ATP8B4: variants seen among roughly 807,000 people sequenced by gnomAD.
The protein encoded by ATP8B4 is ATPase phospholipid transporting 8B4 (putative), also known as probable phospholipid-transporting ATPase IM.
Under a neutral mutation model 145.6 loss-of-function variants are expected in ATP8B4, and 133 were observed. The observed-to-expected ratio is 0.91, with a 90% CI of 0.79 to 1.05. The LOEUF is 1.05. ATP8B4 is among the 50% of genes least tolerant of loss of function. ATP8B4 has a pLI of 0.00. For synonymous variants in ATP8B4, 507 were observed against 492.9 expected (o/e 1.03, Z -0.38); for missense variants, 1,458 against 1,425.2 (o/e 1.02, Z -0.37).
chr15:50,038,677 G>A, intron 6 of ATP8B4, 91 bp downstream of exon 6: 2 of 915,684 alleles, frequency 2.2e-6, no homozygotes, highest in Non-Finnish European at 3.4e-6. Flanking sequence ...AAAGAATCAT[G>A]TATCTAATTA....
intron 20 of ATP8B4, 74 bp downstream of exon 20, chr15:49,916,860 T>G: frequency 5.1e-6 from 7 of 1,372,354 alleles, no homozygotes; most frequent in South Asian, 2.4e-5. Context: ...GCTTTTCACT[T>G]TCTCAACTCT....
intron 1 of ATP8B4, among the ~76,000 whole-genome samples, chr15:50,169,785 C>T (rs116153745): frequency 0.013 from 2,027 of 152,088 alleles, 47 homozygotes; most frequent in African/African-American, 0.046. Context: ...AAAAATGATA[C>T]AAGAAGTGAA....
chr15:50,151,201 G>C (rs1387230701), intron 1 of ATP8B4, among the ~76,000 whole-genome samples: 1 of 152,172 alleles, frequency 6.6e-6, no homozygotes, highest in African/African-American at 2.4e-5. Context: ...CTAGTCTGTA[G>C]GTAGATCACA....
At chr15:49,967,424 T>G (rs1186397636) in intron 13 of ATP8B4, among the ~76,000 whole-genome samples, 1 of 152,126 alleles carries the variant, frequency 6.6e-6, no homozygotes, top group African/African-American at 2.4e-5. Flanking sequence ...GAGAAGAACA[T>G]AAGTGACCTG....
intron 8 of ATP8B4, among the ~76,000 whole-genome samples, chr15:50,001,766 A>C (rs2047911631): frequency 6.6e-6 from 1 of 152,176 alleles, no homozygotes; most frequent in South Asian, 2.1e-4. Context: ...CATTTGACAC[A>C]GTTCCAAAAG....
intron 2 of ATP8B4, 101 bp from the exon 3 acceptor site, chr15:50,074,286 C>A (rs2054037276): frequency 2.0e-6 from 2 of 997,590 alleles, no homozygotes; most frequent in Non-Finnish European, 3.0e-6. Flanking sequence ...GTTAAGGCTG[C>A]AAGAATTCTT....
chr15:49,877,541 T>G (rs1217265010), intron 24 of ATP8B4, among the ~76,000 whole-genome samples: 2 of 152,160 alleles, frequency 1.3e-5, no homozygotes, highest in African/African-American at 2.4e-5. Context: ...TAGAAAGTCC[T>G]GTTTTTAGAT....
intron 24 of ATP8B4, among the ~76,000 whole-genome samples, chr15:49,877,523 A>G (rs2034646467): frequency 6.6e-6 from 1 of 152,158 alleles, no homozygotes; most frequent in Non-Finnish European, 1.5e-5. Context: ...ACACAGGCAT[A>G]TTCTCTTTAG....
At chr15:50,102,620 A>T (rs1252792557) in intron 2 of ATP8B4, among the ~76,000 whole-genome samples, 2 of 152,148 alleles carry the variant, frequency 1.3e-5, no homozygotes, top group African/African-American at 2.4e-5. Flanking sequence ...CCAACAACAA[A>T]AAAGTCCAGG....
In ATP8B4 at chr15:50,047,388, A is replaced by G. The variant is rs779392717; in HGVS notation, c.164T>C (p.Val55Ala). ...AAGGCAAAGAAAATAGGCATTTGCCACTCTTTGGAACTGTTCAAATAAATT... is the reference window on the plus strand; with the variant it reads ...AAGGCAAAGAAAATAGGCATTTGCCGCTCTTTGGAACTGTTCAAATAAATT... The part of the protein sequence containing the change: ...PINLFEQFQR[V>A]ANAYFLCLLI... Residue 55 changes from valine (V) to alanine (A), a missense_variant, in exon 4 of 28, where the codon GTG (valine) becomes GCG (alanine). Coordinates refer to ENST00000284509, the MANE Select transcript of ATP8B4 (RefSeq NM_024837.4). 6.3e-7 allele frequency: 1 copy of G among 1,595,442 alleles called. No individual in the cohort carries two copies. Among genetic ancestry groups the G allele is most frequent in the South Asian group, 1.1e-5 (1 of 90,632 alleles).
chr15:49,999,340 C>A (rs1038041993), intron 8 of ATP8B4, among the ~76,000 whole-genome samples: 1 of 135,844 alleles, frequency 7.4e-6, no homozygotes, highest in African/African-American at 2.8e-5. Context: ...ACAATGAGAA[C>A]ACATGGACAC....
intron 15 of ATP8B4, among the ~76,000 whole-genome samples, chr15:49,932,508 G>A (rs1418216776): frequency 1.3e-5 from 2 of 151,990 alleles, no homozygotes; most frequent in Non-Finnish European, 2.9e-5. Context: ...TGGTAACATG[G>A]TGGAATGGGT....
chr15:50,176,224 C>T (rs1275871284), intron 1 of ATP8B4, among the ~76,000 whole-genome samples: 5 of 152,000 alleles, frequency 3.3e-5, no homozygotes, highest in Non-Finnish European at 7.4e-5. Flanking sequence ...TTGCAGTGAC[C>T]TGAATGAGAT....
intron 20 of ATP8B4, among the ~76,000 whole-genome samples, chr15:49,915,430 T>G (rs1220969238): frequency 6.6e-6 from 1 of 152,076 alleles, no homozygotes; most frequent in African/African-American, 2.4e-5. Flanking sequence ...AACCATGTAT[T>G]GTATATTTCA....
In ATP8B4 at chr15:49,931,256, G is replaced by T; in HGVS notation, c.1505C>A (p.Ala502Asp). Reference protein sequence around the residue: ...QSPDEGALVTAARNFGFIFKS... With the variant: ...QSPDEGALVTDARNFGFIFKS... Reference sequence around the variant, plus strand: ...AAAAATGAACCCAAAATTTCTAGCGGCAGTCACTAGAGCCCCTTCATCAGG... The same window carrying T: ...AAAAATGAACCCAAAATTTCTAGCGTCAGTCACTAGAGCCCCTTCATCAGG... Residue 502 changes from alanine to aspartate, a missense_variant, in exon 16 of 28, where the codon GCC becomes GAC. Physicochemically the swap from Ala to Asp is moderately radical, Grantham distance 126 (BLOSUM62 -2). Coordinates refer to ENST00000284509, the MANE Select transcript of ATP8B4 (RefSeq NM_024837.4). 6.2e-7 allele frequency: 1 copy of T among 1,612,612 alleles called. No homozygotes were observed. Among genetic ancestry groups the T allele is most frequent in the African/African-American group, 1.3e-5 (1 of 74,890 alleles).
intron 6 of ATP8B4, among the ~76,000 whole-genome samples, chr15:50,022,156 C>CAA (rs397800733): frequency 0.49 from 74,197 of 151,718 alleles, 19,272 homozygotes; most frequent in East Asian, 0.71. Flanking sequence ...ATATTTGCCA[C>CAA]AAAAAAATGC....
chr15:49,975,978 A>G (rs947450035), intron 12 of ATP8B4, among the ~76,000 whole-genome samples: 8 of 152,296 alleles, frequency 5.3e-5, no homozygotes, highest in African/African-American at 1.9e-4. Context: ...TCATCTGTAA[A>G]GTGAGAAAGT....
intron 14 of ATP8B4, among the ~76,000 whole-genome samples, chr15:49,961,287 C>T (rs945830766): frequency 2.6e-5 from 4 of 152,166 alleles, no homozygotes; most frequent in Admixed American, 1.3e-4. Context: ...AGATCATAAA[C>T]TTTGATAAAA....
At chr15:49,992,057 G>T (rs1327465293) in intron 9 of ATP8B4, among the ~76,000 whole-genome samples, 1 of 152,046 alleles carries the variant, frequency 6.6e-6, no homozygotes, top group African/African-American at 2.4e-5. Context: ...TTCATAGTCT[G>T]GCTTCTCCAC....
Sources: gnomAD v4.1 joint callset for allele counts (sites outside exome capture counted in the v4.1 genomes callset) on GRCh38, gnomAD v4.1.1 for gene constraint, MANE v1.5 for transcripts, NCBI Gene and HGNC (gene_info 2026-07-23, HGNC 2026-07-21) for gene names.